The following MCU variants were observed in gnomAD, a reference collection of about 807,000 sequenced individuals.
MCU encodes the protein mitochondrial calcium uniporter, also known as calcium uniporter protein, mitochondrial.
In MCU, 12 loss-of-function variants were observed where a neutral mutation model predicts 45.2. The ratio of observed to expected loss-of-function variants is 0.27; its 90% CI spans 0.17 to 0.43. The LOEUF (loss-of-function observed/expected upper bound fraction) is 0.43. Among genes scored for constraint, MCU ranks in the 20% least tolerant of loss-of-function variants. MCU has a pLI of 1.00. For synonymous variants in MCU, 160 were observed against 165.1 expected, an observed-to-expected ratio of 0.97 and a Z score of 0.24; for missense variants, 324 against 436.7, an observed-to-expected ratio of 0.74 and a Z score of 2.30.
Position 72,692,180 on chromosome 10 carries a change from T to C in MCU, c.29T>C (p.Leu10Pro). The C allele has an allele frequency of 7.8e-7, 1 of 1,283,660 alleles. No homozygotes were observed. The highest frequency in any genetic ancestry group is 9.9e-7 in the Non-Finnish European group (1 of 1,008,308). 79.5% of individuals were successfully genotyped at this position (1,283,660 alleles called of 1,614,324 possible). A position where few individuals can be genotyped will look rare whatever the true frequency, so the allele number is the denominator to read the frequency against. MAAAAGRSL[L>P]LLLSSRGGGG... ...GCGGCCGCCGCAGGTAGATCGCTCC[T>C]GCTGCTCCTCTCCTCTCGGGGCGGC... Residue 10 changes from leucine to proline, a missense_variant, in exon 1 of 8, where the codon CTG becomes CCG. Around this residue, in one of 4 missense-constraint regions of MCU, gnomAD observed 111 missense variants for 112.3 expected, o/e 0.99. Transcript: ENST00000373053.
chr10:72,740,043 G>T (rs548912608), intron 1 of MCU, among the ~76,000 whole-genome samples: 95 of 151,856 alleles, frequency 6.3e-4, no homozygotes, highest in African/African-American at 2.2e-3. Context: ...CTCGATGTGT[G>T]TTGGTTAGTA....
chr10:72,879,453 T>C (rs1410148085), intron 6 of MCU, among the ~76,000 whole-genome samples: 2 of 152,164 alleles, frequency 1.3e-5, no homozygotes, highest in Non-Finnish European at 2.9e-5. Flanking sequence ...TGGAATAGTA[T>C]CTTCAATTTC....
chr10:72,874,158 G>A (rs910505471), intron 6 of MCU, among the ~76,000 whole-genome samples: 2 of 152,082 alleles, frequency 1.3e-5, no homozygotes, highest in East Asian at 1.9e-4. Flanking sequence ...ATTTTGATAG[G>A]GAATGCATCA....
chr10:72,794,174 C>G (rs1331982144), intron 1 of MCU, among the ~76,000 whole-genome samples: 1 of 152,144 alleles, frequency 6.6e-6, no homozygotes, highest in Non-Finnish European at 1.5e-5. Flanking sequence ...CAGTTACTTT[C>G]ATCCAACTTC....
intron 1 of MCU, among the ~76,000 whole-genome samples, chr10:72,698,912 T>G (rs1432836770): frequency 1.3e-5 from 2 of 152,122 alleles, no homozygotes; most frequent in Non-Finnish European, 2.9e-5. Flanking sequence ...TAAGTGATCC[T>G]CCGACCTCAG....
At chr10:72,786,136 C>T (rs1217903091) in intron 1 of MCU, among the ~76,000 whole-genome samples, 2 of 151,308 alleles carry the variant, frequency 1.3e-5, no homozygotes, top group African/African-American at 2.4e-5. Flanking sequence ...AGATTGATGT[C>T]CAGAGATGTC....
intron 1 of MCU, among the ~76,000 whole-genome samples, chr10:72,807,814 C>T (rs1844475538): frequency 6.6e-6 from 1 of 152,120 alleles, no homozygotes; most frequent in South Asian, 2.1e-4. Flanking sequence ...CATAAAATAA[C>T]ATATTCTGTT....
At chr10:72,751,972 T>C (rs1021101750) in intron 1 of MCU, among the ~76,000 whole-genome samples, 4 of 151,776 alleles carry the variant, frequency 2.6e-5, no homozygotes, top group African/African-American at 9.7e-5. Flanking sequence ...CCCGAGTAGC[T>C]AGGACTACAG....
At chr10:72,761,593 A>G (rs1185837589) in intron 1 of MCU, among the ~76,000 whole-genome samples, 1 of 152,138 alleles carries the variant, frequency 6.6e-6, no homozygotes, top group Non-Finnish European at 1.5e-5. Flanking sequence ...CCCAAATTCC[A>G]GATTTGATTA....
intron 1 of MCU, among the ~76,000 whole-genome samples, chr10:72,820,779 T>G (rs926310018): frequency 4.6e-5 from 7 of 152,222 alleles, no homozygotes; most frequent in Non-Finnish European, 7.4e-5. Flanking sequence ...CCCAAAGTGC[T>G]GGAATTACAG....
At chr10:72,859,417 A>T in intron 3 of MCU, 70 bp downstream of exon 3, 1 of 1,402,048 alleles carries the variant, frequency 7.1e-7, no homozygotes, top group Non-Finnish European at 9.8e-7. Flanking sequence ...AGACACATAC[A>T]TACACCACAC....
chr10:72,787,209 C>T (rs931526179), intron 1 of MCU, among the ~76,000 whole-genome samples: 3 of 152,224 alleles, frequency 2.0e-5, no homozygotes, highest in African/African-American at 4.8e-5. Flanking sequence ...CTCCCGCCCA[C>T]GGTAATTTTT....
At chr10:72,744,150 ATTCT>A (rs1221057194) in intron 1 of MCU, among the ~76,000 whole-genome samples, 4 of 151,014 alleles carry the variant, frequency 2.6e-5, no homozygotes, top group Admixed American at 2.6e-4. Flanking sequence ...TAGTTTACAA[ATTCT>A]TTCTCTATAT....
chr10:72,703,971 A>G (rs548919971), intron 1 of MCU, among the ~76,000 whole-genome samples: 181 of 152,318 alleles, frequency 1.2e-3, no homozygotes, highest in Middle Eastern at 3.4e-3. Flanking sequence ...TATGTATTTT[A>G]TATAGTTTCC....
chr10:72,693,199 T>TGAGA, intron 1 of MCU: 5 of 485,304 alleles, frequency 1.0e-5, no homozygotes, highest in South Asian at 6.7e-5. Flanking sequence ...TGTGTGTGTG[T>TGAGA]GAGAGAGAGA....
chr10:72,886,322 A>T lies in MCU; in HGVS notation c.*500A>T, dbSNP rs1845774758. 1 of 153,290 alleles carries T rather than the reference A, an allele frequency of 6.5e-6. No individual in the cohort carries two copies. The highest frequency in any genetic ancestry group is 2.4e-5 in the African/African-American group (1 of 41,468). 9.5% of individuals were successfully genotyped at this position (153,290 alleles called of 1,614,324 possible). A position where few individuals can be genotyped will look rare whatever the true frequency, so the allele number is the denominator to read the frequency against. On this transcript the variant is annotated 3_prime_UTR_variant, in exon 8 of 8. Transcript: ENST00000373053. ...TGGACCCAGTCTCTGCAGAGTTACC[A>T]GGAATCTTTCCTTCCAGCATCCCTT...
chr10:72,871,636 A>C, intron 6 of MCU, 56 bp downstream of exon 6: 1 of 1,471,890 alleles, frequency 6.8e-7, no homozygotes, highest in Non-Finnish European at 9.5e-7. Flanking sequence ...TTTGATTGTC[A>C]AAAGAGTTCT....
intron 1 of MCU, among the ~76,000 whole-genome samples, chr10:72,801,712 C>T (rs1844344334): frequency 6.7e-6 from 1 of 149,862 alleles, no homozygotes; most frequent in African/African-American, 2.5e-5. Context: ...CATTCTGTCA[C>T]CCAGGTTGGA....
chr10:72,713,714 A>C (rs1049494088), intron 1 of MCU, among the ~76,000 whole-genome samples: 12 of 152,202 alleles, frequency 7.9e-5, no homozygotes, highest in African/African-American at 2.9e-4. Flanking sequence ...TAAACCAAAG[A>C]GTTTGTGTGG....
Sources: allele counts gnomAD v4.1 joint callset (sites outside exome capture counted in the v4.1 genomes callset), GRCh38; gene constraint gnomAD v4.1.1; regional missense constraint gnomAD v4.1.1; transcripts MANE v1.5; gene names NCBI Gene and HGNC (gene_info 2026-07-23, HGNC 2026-07-21).